AFF3: variants seen among roughly 807,000 people sequenced by gnomAD.
AFF3 encodes ALF transcription elongation factor 3.
In AFF3, 32 loss-of-function variants were observed where a neutral mutation model predicts 129.7. The observed-to-expected ratio is 0.25, with a 90% confidence interval of 0.19 to 0.33. The LOEUF (loss-of-function observed/expected upper bound fraction) is 0.33. Among genes scored for constraint, AFF3 ranks in the 10% least tolerant of loss-of-function variants. The probability of loss-of-function intolerance (pLI) is 1.00; values close to 1 mark genes in which losing one functional copy is unlikely to be tolerated. For missense variants in AFF3, 1,373 were observed against 1,592.0 expected (o/e 0.86, Z 2.34); for synonymous variants, 644 against 635.4 (o/e 1.01, Z -0.20).
chr2:99,996,673 C>T (rs917023241), intron 7 of AFF3, among the ~76,000 whole-genome samples: 1 of 151,994 alleles, frequency 6.6e-6, no homozygotes, highest in Non-Finnish European at 1.5e-5. Flanking sequence ...AGCCACCGCG[C>T]CCAGCCCTTC....
At chr2:99,963,591 C>T (rs1411709502) in intron 7 of AFF3, among the ~76,000 whole-genome samples, 1 of 151,256 alleles carries the variant, frequency 6.6e-6, no homozygotes, top group South Asian at 2.1e-4. Context: ...CTAGAGATAC[C>T]ACTAAGAAAA....
intron 22 of AFF3, among the ~76,000 whole-genome samples, chr2:99,556,429 G>GA (rs765947526): frequency 2.0e-5 from 3 of 152,026 alleles, no homozygotes; most frequent in Non-Finnish European, 2.9e-5. Flanking sequence ...GTGACGGAGC[G>GA]AGACTCCGTC....
intron 8 of AFF3, among the ~76,000 whole-genome samples, chr2:99,794,620 T>C (rs2105465467): frequency 6.6e-6 from 1 of 152,264 alleles, no homozygotes; most frequent in East Asian, 1.9e-4. Flanking sequence ...CCTATGTAGA[T>C]TTCTGGAACT....
rs186586975 is a variant in AFF3 at position 99,703,066 on chromosome 2, A to G, written c.1091+24011T>C. The stretch of plus-strand genomic sequence containing the variant: ...CTATAAGAAATTACACAAATTTGGT[A>G]GCTTAAAACACCACAAGTATATTTA... On this transcript the variant is annotated intron_variant, in intron 11 of 24. Coordinates refer to ENST00000672756, the MANE Select transcript of AFF3 (RefSeq NM_001386135.1). Among the ~76,000 whole-genome samples the G allele has an allele frequency of 3.1e-3, 478 of 152,348 alleles. 1 individual carries two copies. Among genetic ancestry groups the G allele is most frequent in the Non-Finnish European group, 4.2e-3 (284 of 68,024 alleles).
chr2:100,024,576 C>T (rs1240703444), intron 4 of AFF3, among the ~76,000 whole-genome samples: 1 of 151,770 alleles, frequency 6.6e-6, no homozygotes, highest in Non-Finnish European at 1.5e-5. Context: ...CCACTGCACT[C>T]CAGCCTGGGC....
At chr2:100,105,919 C>G (rs771260454) in intron 2 of AFF3, 29 of 1,329,834 alleles carry the variant, frequency 2.2e-5, no homozygotes, top group African/African-American at 3.0e-5. Flanking sequence ...AGCACTCTCC[C>G]CTTTGTTCCT....
chr2:99,769,131 C>A (rs955157349), intron 8 of AFF3, among the ~76,000 whole-genome samples: 5 of 152,164 alleles, frequency 3.3e-5, no homozygotes, highest in African/African-American at 4.8e-5. Context: ...CTTAGACTTG[C>A]CCTTTAGAGG....
At chr2:99,626,451 CCCTT>C (rs1415718812) in intron 13 of AFF3, among the ~76,000 whole-genome samples, 24 of 62,842 alleles carry the variant, frequency 3.8e-4, no homozygotes, top group African/African-American at 1.0e-3. Context: ...CCTTCCCTTC[CCCTT>C]CCTTCCTTCC....
rs2104411674 is a variant in AFF3 at position 99,545,487 on chromosome 2, A to T, written c.*5987T>A. On this transcript the variant is annotated 3_prime_UTR_variant, in exon 25 of 25. Coordinates refer to ENST00000672756, the MANE Select transcript of AFF3 (RefSeq NM_001386135.1). The stretch of plus-strand genomic sequence containing the variant: ...ATCCTAAACATTGGTGCTATGTTAT[A>T]TCATGTCTAGATCCAAGTATTTCTG... The T allele has an allele frequency of 6.6e-6, 1 of 152,336 alleles. No individual in the cohort carries two copies. The highest frequency in any genetic ancestry group is 2.4e-5 in the African/African-American group (1 of 41,578). 9.4% of individuals were successfully genotyped at this position (152,336 alleles called of 1,614,324 possible). A position where few individuals can be genotyped will look rare whatever the true frequency, so the allele number is the denominator to read the frequency against.
chr2:99,596,473 C>T (rs1035511155), intron 14 of AFF3, among the ~76,000 whole-genome samples: 2 of 152,190 alleles, frequency 1.3e-5, no homozygotes, highest in Non-Finnish European at 1.5e-5. Context: ...TCAGTGCCTT[C>T]GCCTGTGCCT....
intron 4 of AFF3, among the ~76,000 whole-genome samples, chr2:100,103,795 C>A (rs1690963968): frequency 6.6e-6 from 1 of 151,884 alleles, no homozygotes; most frequent in South Asian, 2.1e-4. Context: ...AACTGTGAAC[C>A]CCGAGGAAAG....
intron 7 of AFF3, among the ~76,000 whole-genome samples, chr2:99,960,093 A>C (rs1424618388): frequency 6.6e-6 from 1 of 152,194 alleles, no homozygotes; most frequent in Admixed American, 6.5e-5. Context: ...ACTTACACAG[A>C]ATAAGCCAAA....
At chr2:99,730,516 C>CTT (rs1448325264) in intron 10 of AFF3, among the ~76,000 whole-genome samples, 25 of 140,504 alleles carry the variant, frequency 1.8e-4, no homozygotes, top group Middle Eastern at 3.7e-3. Context: ...TATACTGCAA[C>CTT]TTTTTTTTTT....
intron 13 of AFF3, among the ~76,000 whole-genome samples, chr2:99,621,254 A>G (rs1384619457): frequency 6.6e-6 from 1 of 152,216 alleles, no homozygotes; most frequent in African/African-American, 2.4e-5. Context: ...TCAGTTGACT[A>G]TAACAAGCTG....
At chr2:99,797,029 T>C (rs951114125) in intron 8 of AFF3, among the ~76,000 whole-genome samples, 7 of 151,930 alleles carry the variant, frequency 4.6e-5, no homozygotes, top group African/African-American at 9.7e-5. Flanking sequence ...GGGAGATCTG[T>C]AGAAACACAA....
At chr2:99,892,999 A>G (rs1364559054) in intron 7 of AFF3, among the ~76,000 whole-genome samples, 3 of 152,106 alleles carry the variant, frequency 2.0e-5, no homozygotes, top group African/African-American at 7.2e-5. Flanking sequence ...GTGACCAAGG[A>G]GAAGCTGTTC....
rs115395261 is a variant in AFF3, at chr2:99,774,448, A to G, written c.922-22147T>C. On this transcript the variant is annotated intron_variant, in intron 8 of 24. Coordinates refer to ENST00000672756, the MANE Select transcript of AFF3 (RefSeq NM_001386135.1). ...CCAGAAATAAGACCACACACCCACA[A>G]TCATCTGATCTTTGACAAACCTGAC... Among the ~76,000 whole-genome samples the G allele has an allele frequency of 5.6e-3, 850 of 152,244 alleles. 8 individuals are homozygous for G. The highest frequency in any genetic ancestry group is 0.019 in the African/African-American group (796 of 41,540).
chr2:99,753,650 C>A (rs1416914036), intron 8 of AFF3, among the ~76,000 whole-genome samples: 1 of 152,136 alleles, frequency 6.6e-6, no homozygotes, highest in African/African-American at 2.4e-5. Context: ...GCAGAACCCA[C>A]ACAGGAAGCC....
rs571617585 is a variant in AFF3 at position 99,646,991 on chromosome 2, C to T, written c.1184+2635G>A. On this transcript the variant is annotated intron_variant, in intron 13 of 24. Transcript: ENST00000672756. ...AAAAGAATGGCTGTTATTGAAAAGT[C>T]AAAAAACAACAGATGCTGGAGAGCC... Among the ~76,000 whole-genome samples the T allele has an allele frequency of 7.4e-4, 112 of 152,042 alleles. 1 individual carries two copies. Among genetic ancestry groups the T allele is most frequent in the Non-Finnish European group, 1.3e-3 (88 of 68,004 alleles).
Sources: gnomAD v4.1 joint callset for allele counts (sites outside exome capture counted in the v4.1 genomes callset) on GRCh38, gnomAD v4.1.1 for gene constraint, MANE v1.5 for transcripts, NCBI Gene and HGNC (gene_info 2026-07-23, HGNC 2026-07-21) for gene names.